The following MYH16 variants were observed in gnomAD, a reference collection of about 807,000 sequenced individuals.
MYH16 encodes the protein myosin heavy chain 16.
At chr7:99,297,618 C>T (rs1405641851) in intron 34 of MYH16, 42 bp from the exon 16 acceptor site, 1 of 445,608 alleles carries the variant, frequency 2.2e-6, no homozygotes, top group Non-Finnish European at 4.5e-6. Context: ...TGCCATGACC[C>T]TGGAATGCCG....
chr7:99,277,619 A>C lies in MYH16; in HGVS notation n.2566A>C, dbSNP rs1169004935. Reference sequence around the variant, plus strand: ...AGGAGCTCAGGAAAGCCATGGCCCAAACCCAGGAGTTGGTAAACAAGGTCA... The same window carrying C: ...AGGAGCTCAGGAAAGCCATGGCCCACACCCAGGAGTTGGTAAACAAGGTCA... On this transcript the variant is annotated non_coding_transcript_exon_variant, in exon 21 of 42. Transcript: ENST00000439784. The C allele has an allele frequency of 6.6e-6, 3 of 456,976 alleles. No individual in the cohort carries two copies. The Admixed American group carries it at 7.0e-5, about 11-fold the overall frequency. The allele number at this position is 456,976 out of a possible 1,614,324, so 28.3% of individuals were successfully genotyped here.
chr7:99,303,659 G>A (rs779299445), intron 39 of MYH16, among the ~76,000 whole-genome samples: 6 of 152,090 alleles, frequency 3.9e-5, no homozygotes, highest in Admixed American at 6.6e-5. Flanking sequence ...AAAATTAGCC[G>A]GGCATCATGG....
chr7:99,295,643 G>A (rs901653454), intron 33 of MYH16, among the ~76,000 whole-genome samples: 8 of 152,144 alleles, frequency 5.3e-5, no homozygotes, highest in African/African-American at 1.7e-4. Flanking sequence ...AAGTGGCCAC[G>A]TAGGCAGGAG....
At chr7:99,256,275 C>CAAAAAA (rs55894638) in intron 9 of MYH16, among the ~76,000 whole-genome samples, 1 of 71,016 alleles carries the variant, frequency 1.4e-5, no homozygotes, top group Non-Finnish European at 2.7e-5. Context: ...CCCGTCTCTG[C>CAAAAAA]AAAAAAAAAA....
rs527764885 is a variant in MYH16 at position 99,246,211 on chromosome 7, A to C, written n.355-1383A>C. On this transcript the variant is annotated intron_variant and non_coding_transcript_variant, in intron 2 of 41. Transcript: ENST00000439784. ...ATAGAGCAAGGCTCTGTCTCTAAAA[A>C]AAAAAAAAGAAAGAAAAGAAAAAAA... Among the ~76,000 whole-genome samples the C allele has an allele frequency of 2.0e-5, 3 of 151,488 alleles. No homozygotes were observed. In the East Asian group the frequency reaches 5.9e-4, roughly 30 times the overall value.
At chr7:99,299,185 G>A (rs899805304) in intron 36 of MYH16, among the ~76,000 whole-genome samples, 2 of 152,152 alleles carry the variant, frequency 1.3e-5, no homozygotes, top group Non-Finnish European at 2.9e-5. Context: ...GTTCAAGGCT[G>A]CAGTGAGTTA....
intron 3 of MYH16, among the ~76,000 whole-genome samples, chr7:99,248,473 G>A (rs955440207): frequency 1.2e-4 from 19 of 152,172 alleles, no homozygotes; most frequent in African/African-American, 2.7e-4. Context: ...TTAGCTCACC[G>A]CAGTCTAGAA....
At chr7:99,244,936 G>A (rs931960784) in intron 2 of MYH16, among the ~76,000 whole-genome samples, 1 of 152,254 alleles carries the variant, frequency 6.6e-6, no homozygotes, top group Admixed American at 6.5e-5. Flanking sequence ...AGTATAGCCT[G>A]AGAGACCAGG....
At chr7:99,286,283 G>C (rs184190819) in intron 27 of MYH16, among the ~76,000 whole-genome samples, 1 of 152,336 alleles carries the variant, frequency 6.6e-6, no homozygotes, top group East Asian at 1.9e-4. Flanking sequence ...GGGTATGATG[G>C]CATGTGCCTG....
chr7:99,279,312 T>C (rs776618576), intron 21 of MYH16, among the ~76,000 whole-genome samples, 198 bp from the exon 4 acceptor site: 25 of 135,194 alleles, frequency 1.8e-4, no homozygotes, highest in Non-Finnish European at 4.5e-5. Context: ...TGAGCTGTGA[T>C]CACACTACTG....
At chr7:99,283,189 C>G (rs1792225623) in intron 23 of MYH16, among the ~76,000 whole-genome samples, 1 of 152,170 alleles carries the variant, frequency 6.6e-6, no homozygotes, top group Admixed American at 6.5e-5. Flanking sequence ...GCCCCAACCT[C>G]CTGGGCTCGT....
exon 41 of MYH16, chr7:99,306,011 T>C (rs1472223847): frequency 1.3e-5 from 2 of 152,538 alleles, no homozygotes; most frequent in African/African-American, 4.8e-5. Context: ...AAGCTGAAGG[T>C]CTACAAGAGG....
exon 6 of MYH16, chr7:99,251,182 G>A (rs1367164476): frequency 1.8e-5 from 4 of 217,606 alleles, no homozygotes; most frequent in South Asian, 1.6e-4. Flanking sequence ...AACTCCTCTC[G>A]CTTCGTAAGT....
chr7:99,285,516 C>T (rs930076884), intron 27 of MYH16, 78 bp downstream of exon 9: 24 of 448,652 alleles, frequency 5.3e-5, no homozygotes, highest in South Asian at 2.5e-4. Flanking sequence ...TAGAAACCTC[C>T]GCTAAGGAAA....
At chr7:99,274,070 C>G (rs1259165022) in intron 20 of MYH16, among the ~76,000 whole-genome samples, 1 of 152,260 alleles carries the variant, frequency 6.6e-6, no homozygotes, top group Non-Finnish European at 1.5e-5. Flanking sequence ...GCATCTTCAA[C>G]TCCAGTGAGT....
At chr7:99,277,781 G>A (rs910101798) in intron 21 of MYH16, 69 bp downstream of exon 3, 3 of 381,458 alleles carry the variant, frequency 7.9e-6, no homozygotes, top group African/African-American at 2.1e-5. Context: ...GAGGAAGGGC[G>A]AGCTCTTCCA....
chr7:99,309,136 T>C (rs958783809), downstream of MYH16, among the ~76,000 whole-genome samples: 2 of 152,130 alleles, frequency 1.3e-5, no homozygotes, highest in African/African-American at 4.8e-5. Flanking sequence ...ACTGTGGAGA[T>C]TGATATGGTT....
chr7:99,281,638 A>G lies in MYH16; in HGVS notation n.2992+658A>G, dbSNP rs1792199981. Among the ~76,000 whole-genome samples the G allele has an allele frequency of 2.6e-5, 4 of 152,172 alleles. No homozygotes were observed. The South Asian group carries it at 8.3e-4, about 31-fold the overall frequency. On this transcript the variant is annotated intron_variant and non_coding_transcript_variant, in intron 23 of 41. Coordinates refer to ENST00000439784, the Ensembl canonical transcript of MYH16. The stretch of plus-strand genomic sequence containing the variant: ...GAGAAAGTATGCTCACTGGAGTGGT[A>G]GGGGTGGAGTGGGGTGTATGGAACT...
intron 15 of MYH16, chr7:99,265,073 C>T (rs1414290104): frequency 6.6e-6 from 1 of 152,670 alleles, no homozygotes; most frequent in Non-Finnish European, 1.5e-5. Flanking sequence ...TGCAAAGTTT[C>T]ACTCACTTGT....
Sources: allele counts gnomAD v4.1 joint callset (sites outside exome capture counted in the v4.1 genomes callset), GRCh38; gene constraint gnomAD v4.1.1; transcripts MANE v1.5; gene names NCBI Gene and HGNC (gene_info 2026-07-23, HGNC 2026-07-21).